Variants in ANKS1B observed in about 807,000 individuals in gnomAD.
ANKS1B encodes the protein ankyrin repeat and sterile alpha motif domain containing 1B, also known as ankyrin repeat and sterile alpha motif domain-containing protein 1B.
In ANKS1B, 36 loss-of-function variants were observed where a neutral mutation model predicts 148.3. The observed-to-expected ratio is 0.24, with a 90% confidence interval of 0.19 to 0.32. The LOEUF is 0.32. Among genes scored for constraint, ANKS1B ranks in the 10% least tolerant of loss-of-function variants. The pLI, the probability that ANKS1B is intolerant of heterozygous loss-of-function variation, is 1.00. For synonymous variants in ANKS1B, 542 were observed against 560.8 expected (o/e 0.97, Z 0.47); for missense variants, 1,157 against 1,542.6 (o/e 0.75, Z 4.19).
intron 12 of ANKS1B, among the ~76,000 whole-genome samples, chr12:99,359,738 A>G (rs1163780514): frequency 6.6e-6 from 1 of 152,144 alleles, no homozygotes; most frequent in African/African-American, 2.4e-5. Context: ...CTAATGCTTC[A>G]AGTATCGATC....
chr12:99,710,477 A>C (rs2056475364), intron 8 of ANKS1B, among the ~76,000 whole-genome samples: 2 of 152,110 alleles, frequency 1.3e-5, no homozygotes, highest in Non-Finnish European at 2.9e-5. Flanking sequence ...CCAAGACTTC[A>C]CTGAGATCTC....
intron 25 of ANKS1B, among the ~76,000 whole-genome samples, chr12:98,770,532 G>A (rs965674731): frequency 9.2e-5 from 14 of 152,190 alleles, no homozygotes; most frequent in African/African-American, 3.1e-4. Context: ...GAGCAGTCTC[G>A]CAGGGCTTTG....
At chr12:99,602,187 G>A (rs959143380) in intron 9 of ANKS1B, among the ~76,000 whole-genome samples, 3 of 151,886 alleles carry the variant, frequency 2.0e-5, no homozygotes, top group African/African-American at 7.3e-5. Context: ...ACCATTTTCT[G>A]AGCCCAACAT....
intron 17 of ANKS1B, among the ~76,000 whole-genome samples, chr12:99,006,668 A>G (rs1263079112): frequency 1.3e-5 from 2 of 152,226 alleles, no homozygotes; most frequent in Non-Finnish European, 2.9e-5. Context: ...AGAAATGAGC[A>G]AAGGCTAAGG....
intron 17 of ANKS1B, among the ~76,000 whole-genome samples, chr12:98,988,209 CCTAT>C (rs949113668): frequency 2.6e-5 from 4 of 152,116 alleles, no homozygotes; most frequent in African/African-American, 9.7e-5. Flanking sequence ...ACTTATTCCT[CCTAT>C]CTAACTGAAA....
At position 99,246,486 on chromosome 12, in the gene ANKS1B, C is replaced by T; in HGVS notation, c.2135G>A (p.Arg712Lys). ...CCTTATTCTCCCCAGAGTACAGGCT[C>T]TCTCCACAAATCCCCCTGCGTTCAT... Reference protein sequence around the residue: ...WVMNAGGFVERACTLGRIRSL... With the variant: ...WVMNAGGFVEKACTLGRIRSL... Residue 712 changes from arginine to lysine, a missense_variant, in exon 13 of 27, where the codon AGA (arginine) becomes AAA (lysine). By Grantham distance (26) the Arg-to-Lys change is conservative. This residue lies in a region of ANKS1B where 661 missense variants were observed against 642.1 expected (regional missense o/e 1.03). Coordinates refer to ENST00000683438, the MANE Select transcript of ANKS1B (RefSeq NM_001352186.2). The T allele has an allele frequency of 1.2e-6, 2 of 1,613,856 alleles. No individual in the cohort carries two copies. Among genetic ancestry groups the T allele is most frequent in the Middle Eastern group, 1.7e-4 (1 of 6,060 alleles).
chr12:98,817,098 G>A (rs1209260368), intron 19 of ANKS1B, among the ~76,000 whole-genome samples: 2 of 152,150 alleles, frequency 1.3e-5, no homozygotes, highest in African/African-American at 2.4e-5. Flanking sequence ...AAAGAAACCA[G>A]CAAGAAATAT....
At chr12:99,011,187 G>A (rs2099939188) in intron 17 of ANKS1B, among the ~76,000 whole-genome samples, 1 of 152,132 alleles carries the variant, frequency 6.6e-6, no homozygotes, top group South Asian at 2.1e-4. Flanking sequence ...GGCTCATAGA[G>A]GAAACTGGCC....
chr12:99,185,747 G>T (rs2079751958), intron 14 of ANKS1B, among the ~76,000 whole-genome samples: 1 of 152,230 alleles, frequency 6.6e-6, no homozygotes, highest in Non-Finnish European at 1.5e-5. Context: ...TTCGCAACCT[G>T]CAGACCAGGA....
At chr12:99,235,967 C>T (rs1566699056) in intron 14 of ANKS1B, among the ~76,000 whole-genome samples, 3 of 152,172 alleles carry the variant, frequency 2.0e-5, no homozygotes, top group Non-Finnish European at 4.4e-5. Flanking sequence ...CTCCAACTTT[C>T]CTGGTCTTAA....
rs570328218 is a variant in ANKS1B at position 98,775,377 on chromosome 12, A to G, written c.3442-2198T>C. Among the ~76,000 whole-genome samples the G allele has an allele frequency of 4.6e-5, 7 of 152,236 alleles. 1 individual carries two copies. Among genetic ancestry groups the G allele is most frequent in the South Asian group, 4.1e-4 (2 of 4,828 alleles). Reference sequence around the variant, plus strand: ...GGGAAAGTTGCAAAGGAGGAAAAGTATATCTTTGGTACTCTCTCCTCCTGT... The same window carrying G: ...GGGAAAGTTGCAAAGGAGGAAAAGTGTATCTTTGGTACTCTCTCCTCCTGT... On this transcript the variant is annotated intron_variant, in intron 24 of 26. Coordinates refer to ENST00000683438, the MANE Select transcript of ANKS1B (RefSeq NM_001352186.2).
intron 17 of ANKS1B, among the ~76,000 whole-genome samples, chr12:98,956,597 A>T (rs1568004274): frequency 7.0e-6 from 1 of 143,634 alleles, no homozygotes; most frequent in Non-Finnish European, 1.5e-5. Flanking sequence ...TACTACCTGT[A>T]GTTAGTTAAC....
intron 9 of ANKS1B, among the ~76,000 whole-genome samples, chr12:98,735,811 T>C (rs572838888): frequency 8.6e-5 from 13 of 152,042 alleles, no homozygotes; most frequent in African/African-American, 3.1e-4. Context: ...AAAAAGTAAA[T>C]AAGTAAAATC....
intron 1 of ANKS1B, among the ~76,000 whole-genome samples, chr12:99,929,687 A>G (rs1029017707): frequency 1.3e-5 from 2 of 152,190 alleles, no homozygotes; most frequent in Non-Finnish European, 2.9e-5. Flanking sequence ...AGGTGTAAGG[A>G]AGGGATCCAG....
intron 1 of ANKS1B, among the ~76,000 whole-genome samples, chr12:99,887,993 T>C (rs972858331): frequency 3.9e-5 from 6 of 152,102 alleles, no homozygotes; most frequent in African/African-American, 1.4e-4. Flanking sequence ...TGGGCTCAAA[T>C]AGTGAAAAAC....
intron 12 of ANKS1B, among the ~76,000 whole-genome samples, chr12:99,328,555 T>C: frequency 6.6e-6 from 1 of 151,952 alleles, no homozygotes; most frequent in East Asian, 1.9e-4. Flanking sequence ...TTAGATTTAG[T>C]ATTGCTGTGT....
At chr12:99,762,230 G>A (rs967144390) in intron 8 of ANKS1B, among the ~76,000 whole-genome samples, 3 of 152,032 alleles carry the variant, frequency 2.0e-5, no homozygotes, top group Non-Finnish European at 4.4e-5. Context: ...AAACAAGCTC[G>A]AATAGCCAAA....
intron 14 of ANKS1B, among the ~76,000 whole-genome samples, chr12:99,222,193 C>G (rs1168340825): frequency 3.3e-5 from 5 of 152,006 alleles, no homozygotes; most frequent in Non-Finnish European, 7.4e-5. Flanking sequence ...GGTTAAATAT[C>G]CCTGGAAGGA....
At chr12:98,752,636 C>T (rs2098124722) in intron 25 of ANKS1B, among the ~76,000 whole-genome samples, 1 of 152,172 alleles carries the variant, frequency 6.6e-6, no homozygotes, top group Admixed American at 6.5e-5. Context: ...ACTGATAGGG[C>T]ACTCTTGCTT....
Sources: allele counts gnomAD v4.1 joint callset (sites outside exome capture counted in the v4.1 genomes callset), GRCh38; gene constraint gnomAD v4.1.1; regional missense constraint gnomAD v4.1.1; transcripts MANE v1.5; gene names NCBI Gene and HGNC (gene_info 2026-07-23, HGNC 2026-07-21).